The following MYH11 variants were observed in gnomAD, a reference collection of about 807,000 sequenced individuals.
The protein encoded by MYH11 is myosin heavy chain 11, also known as myosin-11.
MYH11 carries 80 observed loss-of-function variants against 246.6 expected under a neutral mutation model. The ratio of observed to expected loss-of-function variants is 0.32; its 90% CI spans 0.27 to 0.39. The LOEUF is 0.39. Ranked by LOEUF, MYH11 falls within the 10% of genes least tolerant of loss-of-function variation. The pLI is 1.00. For missense variants in MYH11, 2,158 were observed against 2,546.8 expected, an observed-to-expected ratio of 0.85 and a Z score of 3.29; for synonymous variants, 1,071 against 1,015.5, an observed-to-expected ratio of 1.05 and a Z score of -1.04.
chr16:15,777,855 CTG>C (rs1466115930), intron 7 of MYH11, among the ~76,000 whole-genome samples: 1 of 152,176 alleles, frequency 6.6e-6, no homozygotes, highest in East Asian at 1.9e-4. Flanking sequence ...CGAGGCAAAA[CTG>C]AGGCCCAGAG....
intron 2 of MYH11, 37 bp from the exon 3 acceptor site, chr16:15,823,448 T>A: frequency 6.2e-7 from 1 of 1,613,760 alleles, no homozygotes; most frequent in Non-Finnish European, 8.5e-7. Flanking sequence ...CCAGACCTCC[T>A]CCAGGGTAGA....
Position 15,735,655 on chromosome 16 carries a change from C to G in MYH11, c.3294-77G>C, listed in dbSNP as rs75801327. The stretch of plus-strand genomic sequence containing the variant: ...TCTTACAATGTGGCCAAAAACTTTT[C>G]TGGGACCAGACAGTTATGTTGCAGA... On this transcript the variant is annotated intron_variant, in intron 25 of 40. Transcript: ENST00000300036. 742 of 1,425,522 alleles carry G rather than the reference C, an allele frequency of 5.2e-4. 5 individuals are homozygous for G. In the African/African-American group the frequency reaches 8.9e-3, roughly 17 times the overall value. 88.3% of individuals were successfully genotyped at this position (1,425,522 alleles called of 1,614,324 possible). A position where few individuals can be genotyped will look rare whatever the true frequency, so the allele number is the denominator to read the frequency against.
intron 1 of MYH11, among the ~76,000 whole-genome samples, chr16:15,851,222 G>A (rs2044320531): frequency 6.6e-6 from 1 of 152,120 alleles, no homozygotes; most frequent in South Asian, 2.1e-4. Context: ...GTCGCAGGGA[G>A]AGGCACTGGG....
intron 2 of MYH11, among the ~76,000 whole-genome samples, chr16:15,834,269 G>A (rs1233062362): frequency 2.6e-5 from 4 of 152,084 alleles, no homozygotes; most frequent in African/African-American, 9.7e-5. Flanking sequence ...GTTCAGGCCT[G>A]TGATCCTAGC....
chr16:15,718,460 T>G (rs748073804), intron 36 of MYH11, 22 bp from the exon 37 acceptor site: 33 of 1,543,182 alleles, frequency 2.1e-5, no homozygotes, highest in Middle Eastern at 2.0e-4. Flanking sequence ...GCGGCCATGG[T>G]GGGGGCCTCT....
chr16:15,719,383 A>C (rs954910247), intron 35 of MYH11, 75 bp from the exon 36 acceptor site: 1 of 1,534,416 alleles, frequency 6.5e-7, no homozygotes, highest in African/African-American at 1.4e-5. Flanking sequence ...CTGACAACTC[A>C]GCCACCCTTG....
At chr16:15,801,159 T>C (rs1313399234) in intron 3 of MYH11, among the ~76,000 whole-genome samples, 1 of 152,108 alleles carries the variant, frequency 6.6e-6, no homozygotes. Flanking sequence ...TGAGCCGAGA[T>C]CGTGCCACTG....
Position 15,724,403 on chromosome 16 carries a change from C to G in MYH11, c.4123G>C (p.Asp1375His), listed in dbSNP as rs143467011. The change falls in exon 31 of 41, where the codon GAC becomes CAC. Residue 1375 changes from aspartate (D) to histidine (H), a missense_variant. Asp to His is a moderately conservative substitution (Grantham distance 81). Around this residue, in one of 11 missense-constraint regions of MYH11, gnomAD observed 1,013 missense variants for 993.5 expected, o/e 1.02. Coordinates refer to ENST00000300036, the MANE Select transcript of MYH11 (RefSeq NM_002474.3). ...HISTLNIQLS[D>H]SKKKLQDFAS... ...AAGTCCTGCAGCTTCTTCTTCGAGT[C>G]GGAGAGCTACAAGGACAGCGTCCAG... 6.2e-7 allele frequency: 1 copy of G among 1,613,666 alleles called. No homozygotes were observed. The highest frequency in any genetic ancestry group is 1.3e-5 in the African/African-American group (1 of 74,868).
chr16:15,757,257 A>G (rs1220769882), intron 13 of MYH11, among the ~76,000 whole-genome samples: 3 of 148,404 alleles, frequency 2.0e-5, no homozygotes, highest in African/African-American at 4.9e-5. Context: ...CCAGGGCTCA[A>G]GCAATCCTCC....
intron 3 of MYH11, among the ~76,000 whole-genome samples, chr16:15,810,383 C>T (rs1035076809): frequency 6.6e-6 from 1 of 151,976 alleles, no homozygotes; most frequent in African/African-American, 2.4e-5. Context: ...GTCTCCCTTC[C>T]CTGTAATGCA....
At chr16:15,777,845 C>T (rs1010516561) in intron 7 of MYH11, among the ~76,000 whole-genome samples, 4 of 152,106 alleles carry the variant, frequency 2.6e-5, no homozygotes, top group African/African-American at 7.2e-5. Flanking sequence ...CCCATTTTAC[C>T]GAGGCAAAAC....
chr16:15,722,805 A>G (rs1442337084), intron 31 of MYH11, among the ~76,000 whole-genome samples: 1 of 152,166 alleles, frequency 6.6e-6, no homozygotes, highest in East Asian at 1.9e-4. Flanking sequence ...TAGTGGCGCA[A>G]TCTTGGCTCA....
chr16:15,725,605 G>T (rs897889339), intron 28 of MYH11: 10 of 405,360 alleles, frequency 2.5e-5, no homozygotes, highest in African/African-American at 2.1e-4. Flanking sequence ...TGACAAGGAG[G>T]ATATGAATGA....
chr16:15,738,703 A>G lies in MYH11; in HGVS notation c.2998-15T>C. ...AGTTTTCGTTCCTTTTTGGGGAAAG[A>G]GAAAGAGATAGCTTTAGGATTTTTC... On this transcript the variant is annotated splice_polypyrimidine_tract_variant and intron_variant, in intron 23 of 40. Coordinates refer to ENST00000300036, the MANE Select transcript of MYH11 (RefSeq NM_002474.3). 6.2e-7 allele frequency: 1 copy of G among 1,613,002 alleles called. No individual in the cohort carries two copies. Among genetic ancestry groups the G allele is most frequent in the Middle Eastern group, 1.7e-4 (1 of 6,058 alleles).
intron 37 of MYH11, 175 bp from the exon 38 acceptor site, chr16:15,717,523 G>C (rs528318514): frequency 3.0e-6 from 2 of 657,218 alleles, no homozygotes; most frequent in East Asian, 5.5e-5. Context: ...GGCCGGGCGT[G>C]GTGGCGCACG....
intron 10 of MYH11, 36 bp downstream of exon 10, chr16:15,763,760 C>CCCCCAAAACA: frequency 8.4e-7 from 1 of 1,192,090 alleles, no homozygotes; most frequent in Non-Finnish European, 1.3e-6. Context: ...CCCCCAACCC[C>CCCCCAAAACA]AAAGTCATTG....
At chr16:15,717,865 C>T (rs942631468) in intron 37 of MYH11, 1 of 267,054 alleles carries the variant, frequency 3.7e-6, no homozygotes, top group East Asian at 9.4e-5. Flanking sequence ...CTTGCTTTCT[C>T]TGTCCTGGAG....
At chr16:15,833,385 G>GAGGAAGGAAGGAAGGGAGGAAGGA (rs1291545328) in intron 2 of MYH11, among the ~76,000 whole-genome samples, 1,311 of 110,486 alleles carry the variant, frequency 0.012, 22 homozygotes, top group African/African-American at 0.026. Flanking sequence ...GGGAGGGAGG[G>GAGGAAGGAAGGAAGGGAGGAAGGA]AGGAAGGAAG....
intron 2 of MYH11, among the ~76,000 whole-genome samples, chr16:15,833,549 G>C (rs999007884): frequency 6.6e-6 from 1 of 152,084 alleles, no homozygotes; most frequent in Non-Finnish European, 1.5e-5. Flanking sequence ...AGCAGTTTAG[G>C]TAGACTGCTG....
Sources: gnomAD v4.1 joint callset for allele counts (sites outside exome capture counted in the v4.1 genomes callset) on GRCh38, gnomAD v4.1.1 for gene constraint, gnomAD v4.1.1 regional missense constraint, MANE v1.5 for transcripts, NCBI Gene and HGNC (gene_info 2026-07-23, HGNC 2026-07-21) for gene names.